VPS8: variants seen among roughly 807,000 people sequenced by gnomAD.
VPS8 encodes the protein vacuolar protein sorting-associated protein 8 homolog.
A neutral mutation model predicts 216.4 loss-of-function variants in VPS8; 129 were observed. That is an observed-to-expected ratio of 0.60 (90% CI 0.52 to 0.69). VPS8 has a LOEUF of 0.69. Among genes scored for constraint, VPS8 ranks in the 30% least tolerant of loss-of-function variants. The probability of loss-of-function intolerance (pLI) is 0.00; values close to 1 mark genes in which losing one functional copy is unlikely to be tolerated. For synonymous variants in VPS8, 571 were observed against 565.4 expected (o/e 1.01, Z -0.14); for missense variants, 1,531 against 1,683.5 (o/e 0.91, Z 1.59).
intron 45 of VPS8, among the ~76,000 whole-genome samples, chr3:185,022,484 T>C (rs1376186209): frequency 6.6e-6 from 1 of 152,222 alleles, no homozygotes; most frequent in Non-Finnish European, 1.5e-5. Flanking sequence ...GATATAAGGC[T>C]ATTCATATTT....
intron 46 of VPS8, among the ~76,000 whole-genome samples, chr3:185,043,158 C>T (rs552418146): frequency 6.6e-6 from 1 of 152,132 alleles, no homozygotes; most frequent in Non-Finnish European, 1.5e-5. Flanking sequence ...ACATTCAGAG[C>T]ACCTTATGTT....
chr3:184,881,548 A>G (rs891182196), intron 21 of VPS8, among the ~76,000 whole-genome samples: 9 of 152,112 alleles, frequency 5.9e-5, no homozygotes, highest in African/African-American at 2.2e-4. Flanking sequence ...AATCTTGATA[A>G]CTGTAGCTGT....
At chr3:184,898,075 A>C (rs547833100) in intron 23 of VPS8, among the ~76,000 whole-genome samples, 1 of 152,290 alleles carries the variant, frequency 6.6e-6, no homozygotes, top group South Asian at 2.1e-4. Flanking sequence ...ACATTTGTAA[A>C]TAATGAATTA....
chr3:184,845,729 T>A (rs1473061622), intron 8 of VPS8, among the ~76,000 whole-genome samples: 2 of 130,680 alleles, frequency 1.5e-5, no homozygotes, highest in East Asian at 4.6e-4. Flanking sequence ...CACTCCAGCC[T>A]GGGCAACAAG....
chr3:184,987,849 C>T (rs9813857), intron 42 of VPS8, among the ~76,000 whole-genome samples: 2,695 of 152,302 alleles, frequency 0.018, 86 homozygotes, highest in African/African-American at 0.062. Context: ...TTTCCGCCAG[C>T]GCTGAATGAA....
intron 36 of VPS8, among the ~76,000 whole-genome samples, chr3:184,953,329 T>G (rs760585067): frequency 6.6e-6 from 1 of 152,216 alleles, no homozygotes; most frequent in Non-Finnish European, 1.5e-5. Context: ...ATGGAGGTTT[T>G]ATACATTGAT....
intron 25 of VPS8, among the ~76,000 whole-genome samples, chr3:184,904,603 G>T (rs1735145192): frequency 6.6e-6 from 1 of 152,054 alleles, no homozygotes; most frequent in South Asian, 2.1e-4. Context: ...ATTTCTCAAG[G>T]ATTTGTGTGT....
chr3:184,925,185 T>C (rs568620883), intron 30 of VPS8, among the ~76,000 whole-genome samples: 1 of 152,266 alleles, frequency 6.6e-6, no homozygotes, highest in South Asian at 2.1e-4. Context: ...ACAGAGATTG[T>C]GTTCTCTCAA....
chr3:184,944,745 TTAATC>T (rs1477532223), intron 36 of VPS8, among the ~76,000 whole-genome samples: 1 of 152,192 alleles, frequency 6.6e-6, no homozygotes, highest in African/African-American at 2.4e-5. Context: ...CTGAAAGTCT[TTAATC>T]AAAGTAAAGT....
intron 1 of VPS8, among the ~76,000 whole-genome samples, chr3:184,823,875 A>C (rs1019155631): frequency 6.6e-6 from 1 of 152,182 alleles, no homozygotes; most frequent in African/African-American, 2.4e-5. Flanking sequence ...AAAGCTGTAT[A>C]AGTTTCTAGT....
intron 33 of VPS8, among the ~76,000 whole-genome samples, chr3:184,929,997 A>G (rs937841092): frequency 6.6e-6 from 1 of 152,216 alleles, no homozygotes; most frequent in African/African-American, 2.4e-5. Context: ...GAATTTGAGA[A>G]GCCAGTGAAG....
At chr3:184,903,234 T>A (rs1734889633) in intron 25 of VPS8, among the ~76,000 whole-genome samples, 1 of 152,208 alleles carries the variant, frequency 6.6e-6, no homozygotes, top group Non-Finnish European at 1.5e-5. Flanking sequence ...CCTACAATAT[T>A]GTTTTTCTTT....
intron 45 of VPS8, among the ~76,000 whole-genome samples, chr3:185,019,284 C>T (rs1756294228): frequency 6.6e-6 from 1 of 152,086 alleles, no homozygotes; most frequent in African/African-American, 2.4e-5. Context: ...CATGTTTGAG[C>T]ACCACTTGCC....
intron 35 of VPS8, 21 bp downstream of exon 35, chr3:184,936,356 T>C: frequency 1.3e-6 from 2 of 1,577,438 alleles, no homozygotes; most frequent in Non-Finnish European, 1.7e-6. Context: ...CAAATATATA[T>C]TGGGGAAAAA....
At position 184,924,902 on chromosome 3, in the gene VPS8, G is replaced by A; in HGVS notation, c.2495G>A (p.Gly832Glu). Residue 832 changes from glycine to glutamate, a missense_variant, in exon 30 of 48, where the codon GGA (glycine) becomes GAA (glutamate). Physicochemically the swap from Gly to Glu is moderately conservative, Grantham distance 98. Transcript: ENST00000625842. ...ENSDFTPSQV[G>E]CLFTFLARQL... The stretch of plus-strand genomic sequence containing the variant: ...TCAGACTTTACCCCCTCACAAGTAG[G>A]ATGTCTCTTTACCTTCCTTGCTCGG... 6.2e-7 allele frequency: 1 copy of A among 1,613,560 alleles called. No individual in the cohort carries two copies. The highest frequency in any genetic ancestry group is 2.2e-5 in the East Asian group (1 of 44,842).
intron 36 of VPS8, among the ~76,000 whole-genome samples, chr3:184,946,915 A>T (rs1426285751): frequency 1.3e-5 from 2 of 152,150 alleles, no homozygotes; most frequent in East Asian, 3.9e-4. Flanking sequence ...AAAAACAAGC[A>T]GAAGCTTATT....
At position 184,829,468 on chromosome 3, in the gene VPS8, G is replaced by T. The variant is rs1719530497; in HGVS notation, c.223-3221G>T. Among the ~76,000 whole-genome samples, 2 of 152,140 alleles carry T rather than the reference G, an allele frequency of 1.3e-5. 1 individual carries two copies. Among genetic ancestry groups the T allele is most frequent in the South Asian group, 4.2e-4 (2 of 4,818 alleles). On this transcript the variant is annotated intron_variant, in intron 3 of 47. Transcript: ENST00000625842. ...TGACCTCAGGTGATCTGCCTGCCTT[G>T]GCCCCCCAGAGTGCTGGTATTACAG...
intron 23 of VPS8, among the ~76,000 whole-genome samples, chr3:184,895,677 T>C: frequency 1.0e-5 from 1 of 97,994 alleles, no homozygotes; most frequent in Non-Finnish European, 2.0e-5. Context: ...TTTCGCTCTG[T>C]CCCCCAGGCT....
At chr3:184,996,723 G>A (rs1194931285) in intron 44 of VPS8, among the ~76,000 whole-genome samples, 1 of 152,100 alleles carries the variant, frequency 6.6e-6, no homozygotes, top group African/African-American at 2.4e-5. Context: ...TAAAACACAG[G>A]ACAAATAGAT....
Sources: gnomAD v4.1 joint callset for allele counts (sites outside exome capture counted in the v4.1 genomes callset) on GRCh38, gnomAD v4.1.1 for gene constraint, MANE v1.5 for transcripts, NCBI Gene and HGNC (gene_info 2026-07-23, HGNC 2026-07-21) for gene names.